Variants in MRPL22 observed in about 807,000 individuals in gnomAD.
MRPL22 encodes the protein large ribosomal subunit protein uL22m.
A neutral mutation model predicts 32.4 loss-of-function variants in MRPL22; 27 were observed. That is an observed-to-expected ratio of 0.83 (90% CI 0.61 to 1.15). The LOEUF is 1.15. MRPL22 is among the 50% of genes most tolerant of loss of function. The pLI, the probability that MRPL22 is intolerant of heterozygous loss-of-function variation, is 0.00. For synonymous variants in MRPL22, 86 were observed against 87.3 expected, an observed-to-expected ratio of 0.99 and a Z score of 0.08; for missense variants, 239 against 260.2, an observed-to-expected ratio of 0.92 and a Z score of 0.56.
chr5:154,967,093 C>A lies in MRPL22; in HGVS notation c.*196C>A. The A allele has an allele frequency of 1.6e-6, 1 of 630,664 alleles. No homozygotes were observed. Among genetic ancestry groups the A allele is most frequent in the Non-Finnish European group, 2.7e-6 (1 of 374,968 alleles). The allele number at this position is 630,664 out of a possible 1,614,324, so 39.1% of individuals were successfully genotyped here. ...TGGGCATATTTGTATGCATTTGCGA[C>A]TTGGAAGGGGAAATCAGCTTTAAAC... On this transcript the variant is annotated 3_prime_UTR_variant, in exon 7 of 7. Transcript: ENST00000523037. The surrounding 1 kb of genome is among the most constrained non-coding windows in gnomAD (Gnocchi z 4.7).
intron 5 of MRPL22, among the ~76,000 whole-genome samples, chr5:154,958,428 T>C (rs965588353): frequency 1.1e-4 from 16 of 150,406 alleles, no homozygotes; most frequent in Non-Finnish European, 2.1e-4. Flanking sequence ...GATTTTGCTA[T>C]ATTCAATTCA....
At chr5:154,948,710 A>G (rs1764523495) in intron 2 of MRPL22, among the ~76,000 whole-genome samples, 1 of 152,200 alleles carries the variant, frequency 6.6e-6, no homozygotes, top group African/African-American at 2.4e-5. Flanking sequence ...CTATTCCTTC[A>G]TTACTAACTT....
chr5:154,949,977 G>A (rs1469478116), intron 2 of MRPL22, among the ~76,000 whole-genome samples: 1 of 152,132 alleles, frequency 6.6e-6, no homozygotes, highest in Non-Finnish European at 1.5e-5. Context: ...GATAATTAGT[G>A]TATTAGTCCA....
In MRPL22 at chr5:154,944,499, GTC is replaced by G. The variant is rs1348570332; in HGVS notation, c.77+3238_77+3239del. 2.0e-5 allele frequency among the ~76,000 whole-genome samples: 3 copies of G among 152,230 alleles called. No individual in the cohort carries two copies. In the South Asian group the frequency reaches 6.2e-4, roughly 32 times the overall value. ...TACACTCAGTCCTCTTACCTTACCT[GTC>G]TCTGTATTCTTTCATTGATTCTACA... On this transcript the variant is annotated intron_variant, in intron 2 of 6. Coordinates refer to ENST00000523037, the MANE Select transcript of MRPL22 (RefSeq NM_014180.4).
intron 2 of MRPL22, among the ~76,000 whole-genome samples, chr5:154,944,826 A>G (rs1764466586): frequency 6.6e-6 from 1 of 152,222 alleles, no homozygotes; most frequent in African/African-American, 2.4e-5. Flanking sequence ...ATGAGGAAGC[A>G]TGCTGTGCTA....
At chr5:154,963,074 G>A (rs1192021932) in intron 6 of MRPL22, among the ~76,000 whole-genome samples, 1 of 152,126 alleles carries the variant, frequency 6.6e-6, no homozygotes, top group African/African-American at 2.4e-5. Flanking sequence ...GAGTAGCTGG[G>A]ACTACAGGCA....
At chr5:154,960,189 G>T in intron 6 of MRPL22, 140 bp downstream of exon 6, 1 of 619,620 alleles carries the variant, frequency 1.6e-6, no homozygotes, top group Non-Finnish European at 2.8e-6. Context: ...TTATTCTTCA[G>T]CTGTATGCAT....
intron 3 of MRPL22, among the ~76,000 whole-genome samples, chr5:154,954,796 A>G (rs1764609990): frequency 6.6e-6 from 1 of 151,880 alleles, no homozygotes; most frequent in Non-Finnish European, 1.5e-5. Context: ...CTTCTTTTTT[A>G]TTTTTATTTT....
chr5:154,948,815 CT>C (rs1183217908), intron 2 of MRPL22, among the ~76,000 whole-genome samples: 1 of 152,166 alleles, frequency 6.6e-6, no homozygotes, highest in African/African-American at 2.4e-5. Flanking sequence ...TTTCTTCATT[CT>C]TTCTCTTCAT....
intron 2 of MRPL22, among the ~76,000 whole-genome samples, chr5:154,943,039 G>A (rs1764440404): frequency 6.6e-6 from 1 of 152,096 alleles, no homozygotes; most frequent in Admixed American, 6.5e-5. Context: ...TTTCTAGTGG[G>A]GAAAATGACC....
At chr5:154,958,806 A>G (rs1221678247) in intron 5 of MRPL22, among the ~76,000 whole-genome samples, 4 of 152,074 alleles carry the variant, frequency 2.6e-5, no homozygotes, top group African/African-American at 7.2e-5. Context: ...CGGCCTGCCA[A>G]AGTGCTGGGA....
intron 5 of MRPL22, among the ~76,000 whole-genome samples, chr5:154,958,538 CTTTT>C (rs201113350): frequency 1.9e-4 from 16 of 83,312 alleles, no homozygotes; most frequent in African/African-American, 6.3e-4. Context: ...TGACAATTGT[CTTTT>C]TTTTTTTTTT....
rs748252884 is a variant in MRPL22 at position 154,941,138 on chromosome 5, G to C, written c.28G>C (p.Gly10Arg). Reference sequence around the variant, plus strand: ...GGCGGCGGCAGTACTGGGACAGTTGGGTAAGGATTTCTTAGTGGTTAAGCG... The same window carrying C: ...GGCGGCGGCAGTACTGGGACAGTTGCGTAAGGATTTCTTAGTGGTTAAGCG... The part of the protein sequence containing the change: MAAAVLGQL[G>R]ALWIHNLRSR... Residue 10 changes from glycine (G) to arginine (R), a missense_variant and splice_region_variant, in exon 1 of 7, where the codon GGT becomes CGT. Transcript: ENST00000523037. 6 of 1,613,946 alleles carry C rather than the reference G, an allele frequency of 3.7e-6. No homozygotes were observed. Among genetic ancestry groups the C allele is most frequent in the African/African-American group, 2.7e-5 (2 of 74,906 alleles).
intron 6 of MRPL22, among the ~76,000 whole-genome samples, chr5:154,962,803 C>T (rs1408038738): frequency 6.6e-6 from 1 of 152,174 alleles, no homozygotes; most frequent in Non-Finnish European, 1.5e-5. Context: ...AAGTGATCAA[C>T]TGACCTTGTA....
In MRPL22 at chr5:154,966,969, A is replaced by G. The variant is rs71597674; in HGVS notation, c.*72A>G. The G allele has an allele frequency of 2.8e-6, 4 of 1,415,218 alleles. No individual in the cohort carries two copies. The highest frequency in any genetic ancestry group is 3.8e-6 in the Non-Finnish European group (4 of 1,046,806). The allele number at this position is 1,415,218 out of a possible 1,614,324, so 87.7% of individuals were successfully genotyped here. Reference sequence around the variant, plus strand: ...CTAAAAATAAACAAAAATTGAAGGCAAATGCTTTTTATGATTTCTCATTGA... The same window carrying G: ...CTAAAAATAAACAAAAATTGAAGGCGAATGCTTTTTATGATTTCTCATTGA... On this transcript the variant is annotated 3_prime_UTR_variant, in exon 7 of 7. Coordinates refer to ENST00000523037, the MANE Select transcript of MRPL22 (RefSeq NM_014180.4).
At chr5:154,941,823 A>G (rs1370917307) in intron 2 of MRPL22, among the ~76,000 whole-genome samples, 1 of 152,240 alleles carries the variant, frequency 6.6e-6, no homozygotes, top group East Asian at 1.9e-4. Flanking sequence ...GCCTTAGGAC[A>G]AAAGCATTCA....
intron 2 of MRPL22, among the ~76,000 whole-genome samples, chr5:154,944,804 G>A (rs972607616): frequency 3.3e-5 from 5 of 152,168 alleles, no homozygotes; most frequent in African/African-American, 9.7e-5. Context: ...TTTGAGTAAA[G>A]ATTTGAAGGA....
chr5:154,967,223 A>C lies in MRPL22; in HGVS notation c.*326A>C. 3.3e-6 allele frequency: 1 copy of C among 302,476 alleles called. No homozygotes were observed. Among genetic ancestry groups the C allele is most frequent in the East Asian group, 8.2e-5 (1 of 12,232 alleles). The allele number at this position is 302,476 out of a possible 1,614,324, so 18.7% of individuals were successfully genotyped here. On this transcript the variant is annotated 3_prime_UTR_variant, in exon 7 of 7. Coordinates refer to ENST00000523037, the MANE Select transcript of MRPL22 (RefSeq NM_014180.4). This position sits in a 1 kb window ranked among gnomAD's most constrained non-coding sequence, Gnocchi z 4.7. ...GTGGCTGTTTTGATACTGGACTTGAATACAGTGTTATGAGGTAAGAAAATT... is the reference window on the plus strand; with the variant it reads ...GTGGCTGTTTTGATACTGGACTTGACTACAGTGTTATGAGGTAAGAAAATT...
Position 154,966,753 on chromosome 5 carries a change from G to A in MRPL22, c.477G>A (p.Gly159=). The A allele has an allele frequency of 6.2e-7, 1 of 1,614,178 alleles. No homozygotes were observed. Among genetic ancestry groups the A allele is most frequent in the Non-Finnish European group, 8.5e-7 (1 of 1,180,036 alleles). Residue 159 remains glycine, a synonymous_variant, in exon 7 of 7, where the codon GGG becomes GGA. Coordinates refer to ENST00000523037, the MANE Select transcript of MRPL22 (RefSeq NM_014180.4). ...GCTACCATGGCAGAGGTCGCTTTGG[G>A]ATCATGGAGAAGGTTTATTGCCATT... ...RIRYHGRGRF[G]IMEKVYCHYF...
Sources: gnomAD v4.1 joint callset for allele counts (sites outside exome capture counted in the v4.1 genomes callset) on GRCh38, gnomAD v4.1.1 for gene constraint, Gnocchi (gnomAD v3.1) non-coding constraint, MANE v1.5 for transcripts, NCBI Gene and HGNC (gene_info 2026-07-23, HGNC 2026-07-21) for gene names.